The following MYRIP variants were observed in gnomAD, a reference collection of about 807,000 sequenced individuals.
MYRIP encodes myosin VIIA and Rab interacting protein, also known as rab effector MyRIP.
A neutral mutation model predicts 98.0 loss-of-function variants in MYRIP; 49 were observed. That is an observed-to-expected ratio of 0.50 (90% CI 0.40 to 0.63). The LOEUF (loss-of-function observed/expected upper bound fraction) is 0.63. Ranked by LOEUF, MYRIP falls within the 30% of genes least tolerant of loss-of-function variation. The probability of loss-of-function intolerance (pLI) is 0.00; values close to 1 mark genes in which losing one functional copy is unlikely to be tolerated. For synonymous variants in MYRIP, 404 were observed against 409.5 expected (o/e 0.99, Z 0.16); for missense variants, 1,004 against 1,058.2 (o/e 0.95, Z 0.71).
Position 39,958,241 on chromosome 3 carries a change from A to G in MYRIP, c.110+57315A>G, listed in dbSNP as rs553659269. 1.2e-4 allele frequency among the ~76,000 whole-genome samples: 18 copies of G among 152,288 alleles called. No individual in the cohort carries two copies. In the South Asian group the frequency reaches 3.7e-3, roughly 32 times the overall value. Reference sequence around the variant, plus strand: ...GCCAAGTCAATCCTAAGCCAAAAGAACAAAGCTGGAGGCATCACGCTACCT... The same window carrying G: ...GCCAAGTCAATCCTAAGCCAAAAGAGCAAAGCTGGAGGCATCACGCTACCT... On this transcript the variant is annotated intron_variant, in intron 2 of 16. Transcript: ENST00000302541.
intron 3 of MYRIP, among the ~76,000 whole-genome samples, chr3:40,052,236 C>T (rs1947808009): frequency 6.6e-6 from 1 of 152,046 alleles, no homozygotes; most frequent in Non-Finnish European, 1.5e-5. Flanking sequence ...CTACTCTCTA[C>T]CTCCATGAGG....
At chr3:39,925,381 A>G (rs1352681194) in intron 2 of MYRIP, among the ~76,000 whole-genome samples, 1 of 151,982 alleles carries the variant, frequency 6.6e-6, no homozygotes, top group African/African-American at 2.4e-5. Flanking sequence ...CAGATTTGTT[A>G]TGGGGGTATA....
intron 1 of MYRIP, among the ~76,000 whole-genome samples, chr3:39,876,831 C>T (rs1375410079): frequency 2.0e-5 from 3 of 152,128 alleles, no homozygotes; most frequent in African/African-American, 7.2e-5. Context: ...TGGAGTTGCT[C>T]TTCTCGAGGA....
intron 2 of MYRIP, among the ~76,000 whole-genome samples, chr3:40,036,192 A>G (rs912848322): frequency 1.3e-5 from 2 of 151,694 alleles, no homozygotes; most frequent in African/African-American, 4.8e-5. Flanking sequence ...GTGAAACTGA[A>G]GAACACTACA....
chr3:40,172,462 A>C (rs1010070718), intron 8 of MYRIP, among the ~76,000 whole-genome samples: 72 of 152,120 alleles, frequency 4.7e-4, no homozygotes, highest in African/African-American at 1.7e-3. Flanking sequence ...CAAGAAATAG[A>C]ATAGTGGTTG....
chr3:40,017,728 C>A (rs1575467862), intron 2 of MYRIP, among the ~76,000 whole-genome samples: 2 of 129,204 alleles, frequency 1.5e-5, no homozygotes, highest in Non-Finnish European at 3.1e-5. Flanking sequence ...TGAAGGTGAG[C>A]AGTATTAGAC....
rs143289388 is a variant in MYRIP, at chr3:40,046,308, G to A, written c.332+2037G>A. Reference sequence around the variant, plus strand: ...CATGTAGCATTTGACTCAAACATCTGCCATGGCTGCATGCGCTACACTGAC... The same window carrying A: ...CATGTAGCATTTGACTCAAACATCTACCATGGCTGCATGCGCTACACTGAC... On this transcript the variant is annotated intron_variant, in intron 3 of 16. Transcript: ENST00000302541. 1.2e-4 allele frequency among the ~76,000 whole-genome samples: 18 copies of A among 152,126 alleles called. No homozygotes were observed. In the East Asian group the frequency reaches 2.9e-3, roughly 25 times the overall value.
chr3:40,209,787 T>C (rs1055340598), intron 10 of MYRIP, 67 bp from the exon 11 acceptor site: 18 of 1,592,998 alleles, frequency 1.1e-5, no homozygotes, highest in Non-Finnish European at 1.5e-5. Context: ...TCAGGGGTTA[T>C]TGGGAACAAG....
chr3:39,883,594 G>T (rs533813886), intron 1 of MYRIP, among the ~76,000 whole-genome samples: 3 of 151,926 alleles, frequency 2.0e-5, no homozygotes, highest in South Asian at 4.2e-4. Flanking sequence ...AGCAGAAAAT[G>T]TATCATATAA....
intron 3 of MYRIP, among the ~76,000 whole-genome samples, chr3:40,129,789 C>T (rs1949601728): frequency 6.6e-6 from 1 of 152,174 alleles, no homozygotes; most frequent in African/African-American, 2.4e-5. Flanking sequence ...TCAGTTCCCT[C>T]CTTCTCACAA....
intron 1 of MYRIP, among the ~76,000 whole-genome samples, chr3:39,865,355 AAACAGAGT>A (rs577459347): frequency 5.5e-4 from 84 of 151,878 alleles, no homozygotes; most frequent in South Asian, 1.6e-3. Flanking sequence ...TTAACAGAGT[AAACAGAGT>A]AACAGAGTAA....
chr3:40,027,165 A>G (rs1947150904), intron 2 of MYRIP, among the ~76,000 whole-genome samples: 1 of 151,284 alleles, frequency 6.6e-6, no homozygotes, highest in Non-Finnish European at 1.5e-5. Context: ...GAACAGCTTC[A>G]CTCCCCACGT....
chr3:40,093,271 C>T (rs1948761414), intron 3 of MYRIP, among the ~76,000 whole-genome samples: 1 of 152,190 alleles, frequency 6.6e-6, no homozygotes, highest in Non-Finnish European at 1.5e-5. Flanking sequence ...AGGCTTTTTG[C>T]AGAAAAACCA....
intron 12 of MYRIP, among the ~76,000 whole-genome samples, chr3:40,243,728 T>C (rs1375848960): frequency 2.0e-5 from 3 of 152,220 alleles, no homozygotes; most frequent in Non-Finnish European, 4.4e-5. Context: ...ATTTCAAGGA[T>C]TTCACCTTGC....
At chr3:40,203,697 T>G (rs1196031204) in intron 10 of MYRIP, among the ~76,000 whole-genome samples, 2 of 122,384 alleles carry the variant, frequency 1.6e-5, no homozygotes, top group Non-Finnish European at 3.3e-5. Flanking sequence ...ATATTTATAT[T>G]TTTATATTTT....
At chr3:40,141,568 AT>A (rs1345976176) in intron 3 of MYRIP, among the ~76,000 whole-genome samples, 1 of 152,096 alleles carries the variant, frequency 6.6e-6, no homozygotes, top group African/African-American at 2.4e-5. Context: ...TAACACTTTT[AT>A]TACTTTAGGT....
chr3:40,007,609 T>G (rs1946662846), intron 2 of MYRIP, among the ~76,000 whole-genome samples: 1 of 152,236 alleles, frequency 6.6e-6, no homozygotes, highest in Non-Finnish European at 1.5e-5. Flanking sequence ...GTATCTAATG[T>G]GGCTCCTGGC....
intron 2 of MYRIP, among the ~76,000 whole-genome samples, chr3:39,901,640 T>G (rs553955476): frequency 6.6e-6 from 1 of 152,276 alleles, no homozygotes; most frequent in South Asian, 2.1e-4. Flanking sequence ...CTATAAAACC[T>G]ATTATTCCTT....
At chr3:39,991,618 A>G (rs1946179946) in intron 2 of MYRIP, among the ~76,000 whole-genome samples, 1 of 152,124 alleles carries the variant, frequency 6.6e-6, no homozygotes, top group African/African-American at 2.4e-5. Flanking sequence ...TTCTCTCTCC[A>G]TAACCTTTGC....
Sources: gnomAD v4.1 joint callset for allele counts (sites outside exome capture counted in the v4.1 genomes callset) on GRCh38, gnomAD v4.1.1 for gene constraint, MANE v1.5 for transcripts, NCBI Gene and HGNC (gene_info 2026-07-23, HGNC 2026-07-21) for gene names.